Variants in PLPPR5 observed in about 807,000 individuals in gnomAD.
PLPPR5 encodes the protein phospholipid phosphatase related 5, also known as phospholipid phosphatase-related protein type 5.
PLPPR5 carries 16 observed loss-of-function variants against 33.9 expected under a neutral mutation model. The observed-to-expected ratio is 0.47, with a 90% confidence interval of 0.32 to 0.72. The LOEUF is 0.72. Ranked by LOEUF, PLPPR5 falls within the 30% of genes least tolerant of loss-of-function variation. The pLI is 0.03. For synonymous variants in PLPPR5, 163 were observed against 150.3 expected (o/e 1.08, Z -0.62); for missense variants, 301 against 406.7 (o/e 0.74, Z 2.23).
chr1:98,961,475 C>A (rs1187283231), intron 1 of PLPPR5, among the ~76,000 whole-genome samples: 2 of 152,160 alleles, frequency 1.3e-5, no homozygotes, highest in Non-Finnish European at 2.9e-5. Flanking sequence ...TAACCACTGT[C>A]ATAACTGTTG....
intron 5 of PLPPR5, among the ~76,000 whole-genome samples, chr1:98,902,608 G>A (rs914695801): frequency 6.6e-6 from 1 of 151,940 alleles, no homozygotes; most frequent in Admixed American, 6.6e-5. Flanking sequence ...ACAGAACTGC[G>A]ATCCTCTGAT....
At chr1:98,918,716 T>C (rs1649446817) in intron 4 of PLPPR5, among the ~76,000 whole-genome samples, 1 of 152,184 alleles carries the variant, frequency 6.6e-6, no homozygotes, top group South Asian at 2.1e-4. Flanking sequence ...TGTAAAGGGT[T>C]TGAATATAGT....
In PLPPR5 at chr1:98,891,809, T is replaced by A. The variant is rs968141549; in HGVS notation, c.*1263A>T. On this transcript the variant is annotated 3_prime_UTR_variant, in exon 6 of 6. Transcript: ENST00000263177. ...TCTTTATTTTTTGAACCATAGGTAG[T>A]TGCCCAGGATTCTACTGAGCTCTGA... 6.6e-6 allele frequency: 1 copy of A among 152,146 alleles called. No individual in the cohort carries two copies. The highest frequency in any genetic ancestry group is 1.5e-5 in the Non-Finnish European group (1 of 68,008). 9.4% of individuals were successfully genotyped at this position (152,146 alleles called of 1,614,324 possible).
rs541050647 is a variant in PLPPR5, at chr1:98,967,369, C to A, written c.238-10628G>T. On this transcript the variant is annotated intron_variant, in intron 1 of 5. Transcript: ENST00000263177. The stretch of plus-strand genomic sequence containing the variant: ...CTCACTATGTTTAAAATGGGGAGGC[C>A]ATCAAAGAAACTTACAACTTAGCTT... Among the ~76,000 whole-genome samples the A allele has an allele frequency of 5.3e-5, 8 of 152,120 alleles. No individual in the cohort carries two copies. The South Asian group carries it at 1.7e-3, about 32-fold the overall frequency.
intron 1 of PLPPR5, among the ~76,000 whole-genome samples, chr1:98,978,225 G>A (rs1246444971): frequency 6.6e-6 from 1 of 152,016 alleles, no homozygotes; most frequent in Non-Finnish European, 1.5e-5. Flanking sequence ...AAGAAGGAAA[G>A]AAGGAATGAA....
Position 98,892,977 on chromosome 1 carries a change from T to C in PLPPR5, c.*95A>G. Reference sequence around the variant, plus strand: ...TTATAAAAATTATTAAACAACTTTATAAACTTCACTTGCAATCAAACAAAC... The same window carrying C: ...TTATAAAAATTATTAAACAACTTTACAAACTTCACTTGCAATCAAACAAAC... On this transcript the variant is annotated 3_prime_UTR_variant, in exon 6 of 6. Coordinates refer to ENST00000263177, the MANE Select transcript of PLPPR5 (RefSeq NM_001037317.2). The C allele has an allele frequency of 8.3e-7, 1 of 1,202,844 alleles. No homozygotes were observed. The highest frequency in any genetic ancestry group is 1.3e-5 in the South Asian group (1 of 74,638). The allele number at this position is 1,202,844 out of a possible 1,614,324, so 74.5% of individuals were successfully genotyped here.
At chr1:98,970,801 T>C (rs556957014) in intron 1 of PLPPR5, among the ~76,000 whole-genome samples, 4 of 152,086 alleles carry the variant, frequency 2.6e-5, no homozygotes, top group Non-Finnish European at 4.4e-5. Flanking sequence ...TCATAAGAGA[T>C]TTTTGTAGGA....
intron 5 of PLPPR5, among the ~76,000 whole-genome samples, chr1:98,900,477 A>G (rs1174410906): frequency 1.3e-5 from 2 of 152,164 alleles, no homozygotes; most frequent in African/African-American, 2.4e-5. Flanking sequence ...CACGAGACAT[A>G]TCATAGTGCT....
At chr1:98,899,100 G>A (rs1313502117) in intron 5 of PLPPR5, among the ~76,000 whole-genome samples, 1 of 152,146 alleles carries the variant, frequency 6.6e-6, no homozygotes, top group Admixed American at 6.5e-5. Context: ...TGCAACCCCA[G>A]AGACCAGGAT....
intron 1 of PLPPR5, among the ~76,000 whole-genome samples, chr1:99,003,923 T>C (rs1177369781): frequency 6.6e-6 from 1 of 152,220 alleles, no homozygotes; most frequent in Non-Finnish European, 1.5e-5. Context: ...ATTGGCACTT[T>C]CACCTGAAAA....
intron 1 of PLPPR5, among the ~76,000 whole-genome samples, chr1:98,975,824 G>A (rs1651827835): frequency 6.6e-6 from 1 of 151,970 alleles, no homozygotes; most frequent in African/African-American, 2.4e-5. Context: ...GTCCTGTTGA[G>A]GGTAGTGGTG....
At chr1:98,938,420 CAAAAAAAAA>C (rs544492984) in intron 3 of PLPPR5, among the ~76,000 whole-genome samples, 5 of 80,762 alleles carry the variant, frequency 6.2e-5, no homozygotes, top group African/African-American at 2.2e-4. Context: ...AAGATCGTCT[CAAAAAAAAA>C]AAAAAAAAGT....
At chr1:98,990,066 T>TA (rs1652398190) in intron 1 of PLPPR5, among the ~76,000 whole-genome samples, 1 of 152,112 alleles carries the variant, frequency 6.6e-6, no homozygotes, top group Non-Finnish European at 1.5e-5. Flanking sequence ...ACAAAGTATA[T>TA]AAAATATCAC....
intron 5 of PLPPR5, among the ~76,000 whole-genome samples, chr1:98,910,945 TG>T (rs2101147733): frequency 6.6e-6 from 1 of 151,366 alleles, no homozygotes; most frequent in East Asian, 1.9e-4. Flanking sequence ...AATGAAACGA[TG>T]TAATTCAAAG....
At chr1:98,928,872 A>G (rs1649862312) in intron 3 of PLPPR5, among the ~76,000 whole-genome samples, 1 of 152,014 alleles carries the variant, frequency 6.6e-6, no homozygotes, top group Admixed American at 6.6e-5. Context: ...TAAAATGATA[A>G]TATCATGGAA....
At chr1:98,902,805 T>C (rs550512631) in intron 5 of PLPPR5, among the ~76,000 whole-genome samples, 1 of 152,148 alleles carries the variant, frequency 6.6e-6, no homozygotes, top group African/African-American at 2.4e-5. Flanking sequence ...GAATGAATCA[T>C]ATAATTTAAA....
intron 3 of PLPPR5, among the ~76,000 whole-genome samples, chr1:98,947,093 G>A (rs372082466): frequency 6.5e-4 from 99 of 152,190 alleles, no homozygotes; most frequent in African/African-American, 2.2e-3. Context: ...TCCCCAAGCC[G>A]ACGTTTGCTA....
chr1:98,992,904 A>G (rs534698476), intron 1 of PLPPR5, among the ~76,000 whole-genome samples: 8 of 152,238 alleles, frequency 5.3e-5, no homozygotes, highest in African/African-American at 1.9e-4. Context: ...CCATCCCTGT[A>G]TTAAAAGCAC....
chr1:98,933,344 G>A (rs1057085260), intron 3 of PLPPR5, among the ~76,000 whole-genome samples: 12 of 151,992 alleles, frequency 7.9e-5, no homozygotes, highest in Non-Finnish European at 1.2e-4. Context: ...TAAGCCAGGC[G>A]TGGTGGCGCG....
Sources: gnomAD v4.1 joint callset for allele counts (sites outside exome capture counted in the v4.1 genomes callset) on GRCh38, gnomAD v4.1.1 for gene constraint, MANE v1.5 for transcripts, NCBI Gene and HGNC (gene_info 2026-07-23, HGNC 2026-07-21) for gene names.